The following CCDC169 variants were observed in gnomAD, a reference collection of about 807,000 sequenced individuals.
The protein encoded by CCDC169 is coiled-coil domain containing 169.
CCDC169 carries 30 observed loss-of-function variants against 36.0 expected under a neutral mutation model. The observed-to-expected ratio is 0.83, with a 90% CI of 0.62 to 1.13. CCDC169 has a LOEUF of 1.13. Among genes scored for constraint, CCDC169 ranks in the 50% most tolerant of loss-of-function variants. CCDC169 has a pLI of 0.00. For synonymous variants in CCDC169, 85 were observed against 81.5 expected, an observed-to-expected ratio of 1.04 and a Z score of -0.23; for missense variants, 245 against 245.9, an observed-to-expected ratio of 1.00 and a Z score of 0.03.
chr13:36,231,146 T>C lies in CCDC169; in HGVS notation c.*47A>G, dbSNP rs745578534. On this transcript the variant is annotated 3_prime_UTR_variant, in exon 8 of 8. Transcript: ENST00000239859. ...CATTAACTTTATAACTTGAATATTA[T>C]AAATGGAAAAAAAAAGGAAGAAATA... 1.4e-4 allele frequency: 216 copies of C among 1,508,126 alleles called. No homozygotes were observed. The highest frequency in any genetic ancestry group is 1.8e-4 in the Non-Finnish European group (208 of 1,125,598). 93.4% of individuals were successfully genotyped at this position (1,508,126 alleles called of 1,614,324 possible).
chr13:36,253,816 G>T lies in CCDC169; in HGVS notation c.455C>A (p.Ala152Asp). 6.5e-7 allele frequency: 1 copy of T among 1,550,118 alleles called. No homozygotes were observed. The highest frequency in any genetic ancestry group is 8.7e-7 in the Non-Finnish European group (1 of 1,146,650). Residue 152 changes from alanine (A) to aspartate (D), a missense_variant, in exon 6 of 8, where the codon GCT becomes GAT. Coordinates refer to ENST00000239859, the MANE Select transcript of CCDC169 (RefSeq NM_001144981.3). ...AAAAAGAGTTACCTGAGACATTTCA[G>T]CTAGGTATGTACGGCGTTCATTGTT... is the stretch of plus-strand genomic sequence containing the variant. ...KINNERRTYLAEMSQGSGLHQ... is the reference protein window; with the variant it reads ...KINNERRTYLDEMSQGSGLHQ...
At chr13:36,224,558 C>G (rs772907677), downstream of CCDC169, 1 of 151,898 alleles carries the variant, frequency 6.6e-6, no homozygotes, top group Non-Finnish European at 1.5e-5. Context: ...AAGACATACA[C>G]AAAAACCCCT....
rs529703999 is a variant in CCDC169 at position 36,287,867 on chromosome 13, G to A, written c.164-4165C>T. On this transcript the variant is annotated intron_variant, in intron 2 of 7. Coordinates refer to ENST00000239859, the MANE Select transcript of CCDC169 (RefSeq NM_001144981.3). ...TTGTGTATTTTTTTTTGACAAATAA[G>A]ACTAACTTGTTAGTTCAATGAAACA... Among the ~76,000 whole-genome samples the A allele has an allele frequency of 2.0e-5, 3 of 152,036 alleles. No individual in the cohort carries two copies. The East Asian group carries it at 5.8e-4, about 29-fold the overall frequency.
Position 36,272,060 on chromosome 13 carries a change from G to A in CCDC169, c.315+11409C>T, listed in dbSNP as rs555935200. On this transcript the variant is annotated intron_variant, in intron 4 of 7. Transcript: ENST00000239859. ...AGATTGCACCACTGCACTCGCGCCC[G>A]GGTGACAGAGTGAGGCTCCGTCTCA... is the stretch of plus-strand genomic sequence containing the variant. Among the ~76,000 whole-genome samples the A allele has an allele frequency of 1.8e-4, 27 of 149,750 alleles. No individual in the cohort carries two copies. In the South Asian group the frequency reaches 2.3e-3, roughly 13 times the overall value.
At chr13:36,234,772 A>G (rs1484090826) in intron 7 of CCDC169, among the ~76,000 whole-genome samples, 1 of 152,138 alleles carries the variant, frequency 6.6e-6, no homozygotes, top group African/African-American at 2.4e-5. Flanking sequence ...ATTTCCAGAT[A>G]AGCAAAAACA....
intron 4 of CCDC169, among the ~76,000 whole-genome samples, chr13:36,271,926 T>C (rs1300662393): frequency 1.3e-5 from 2 of 150,926 alleles, no homozygotes; most frequent in East Asian, 3.9e-4. Flanking sequence ...CTACTAAAAA[T>C]ACAAAAAAAT....
intron 4 of CCDC169, among the ~76,000 whole-genome samples, chr13:36,268,547 C>T (rs9575714): frequency 0.25 from 38,706 of 151,900 alleles, 5,210 homozygotes; most frequent in East Asian, 0.49. Flanking sequence ...GACAACCTAA[C>T]GTCATACCTC....
downstream of CCDC169, chr13:36,227,379 A>C: frequency 5.8e-6 from 9 of 1,543,838 alleles, no homozygotes; most frequent in Non-Finnish European, 7.9e-6. Flanking sequence ...TTTTAAGAGG[A>C]GGCTGTTTGA....
downstream of CCDC169, chr13:36,223,853 T>C (rs1374904122): frequency 6.6e-6 from 1 of 152,120 alleles, no homozygotes; most frequent in African/African-American, 2.4e-5. Context: ...AGCAATCAAA[T>C]AGTGTTACTG....
intron 4 of CCDC169, chr13:36,267,187 A>G (rs570641518): frequency 1.3e-5 from 2 of 152,348 alleles, no homozygotes; most frequent in African/African-American, 4.8e-5. Context: ...TCTGCAGCAC[A>G]TATACTAAAA....
intron 7 of CCDC169, among the ~76,000 whole-genome samples, chr13:36,245,221 T>G (rs1159670944): frequency 6.6e-6 from 1 of 152,210 alleles, no homozygotes; most frequent in Non-Finnish European, 1.5e-5. Context: ...ACCTGAGTAA[T>G]TCTTCTGTAT....
intron 7 of CCDC169, chr13:36,240,748 G>A (rs1871705528): frequency 3.8e-6 from 2 of 530,268 alleles, no homozygotes; most frequent in Non-Finnish European, 6.0e-6. Flanking sequence ...AACTATTCCT[G>A]TGGTATCAGT....
intron 6 of CCDC169, among the ~76,000 whole-genome samples, chr13:36,251,376 C>T (rs1873135958): frequency 8.3e-6 from 1 of 120,858 alleles, no homozygotes; most frequent in Non-Finnish European, 2.0e-5. Context: ...GAGTGAAAAT[C>T]TTTAACATTT....
chr13:36,224,740 C>T (rs555592846), downstream of CCDC169: 5 of 152,260 alleles, frequency 3.3e-5, no homozygotes, highest in African/African-American at 1.2e-4. Context: ...AGATTCAATG[C>T]TATTCCTATC....
chr13:36,227,289 C>A (rs370953409), downstream of CCDC169: 2 of 1,551,506 alleles, frequency 1.3e-6, no homozygotes, highest in Non-Finnish European at 8.7e-7. Context: ...GAGGCATGTC[C>A]TATTCTCTGG....
chr13:36,253,759 C>T (rs9546887), intron 6 of CCDC169, 44 bp downstream of exon 6: 703,143 of 1,520,424 alleles, frequency 0.46, 165,389 homozygotes, highest in Non-Finnish European at 0.48. Flanking sequence ...ACATAATTTA[C>T]AGTAAGAAGA....
rs188308878 is a variant in CCDC169 at position 36,242,807 on chromosome 13, C to A, written c.545+5799G>T. Reference sequence around the variant, plus strand: ...GACCATGCCACCTACCTCGATGCACCAGCACCTTAAGCTCAGTTCAGACCT... The same window carrying A: ...GACCATGCCACCTACCTCGATGCACAAGCACCTTAAGCTCAGTTCAGACCT... On this transcript the variant is annotated intron_variant, in intron 7 of 7. Transcript: ENST00000239859. Among the ~76,000 whole-genome samples, 91 of 152,250 alleles carry A rather than the reference C, an allele frequency of 6.0e-4. 1 individual carries two copies. Among genetic ancestry groups the A allele is most frequent in the African/African-American group, 2.0e-3 (82 of 41,556 alleles).
chr13:36,262,373 T>C (rs769839767), intron 4 of CCDC169, among the ~76,000 whole-genome samples: 16 of 152,146 alleles, frequency 1.1e-4, no homozygotes, highest in Admixed American at 5.2e-4. Flanking sequence ...TCCATCTCCT[T>C]CTGGGTGTGA....
intron 4 of CCDC169, among the ~76,000 whole-genome samples, chr13:36,260,899 T>G (rs979472848): frequency 1.3e-5 from 2 of 152,222 alleles, no homozygotes; most frequent in Non-Finnish European, 2.9e-5. Context: ...GTACACGGTT[T>G]CCTGGGTATC....
Sources: gnomAD v4.1 joint callset for allele counts (sites outside exome capture counted in the v4.1 genomes callset) on GRCh38, gnomAD v4.1.1 for gene constraint, MANE v1.5 for transcripts, NCBI Gene and HGNC (gene_info 2026-07-23, HGNC 2026-07-21) for gene names.